Variants in PDE10A observed in about 807,000 individuals in gnomAD.
PDE10A encodes the protein cAMP and cAMP-inhibited cGMP 3',5'-cyclic phosphodiesterase 10A.
PDE10A carries 39 observed loss-of-function variants against 97.7 expected under a neutral mutation model. That is an observed-to-expected ratio of 0.40 (90% confidence interval 0.31 to 0.52). The LOEUF (loss-of-function observed/expected upper bound fraction) is 0.52, where lower values mean the gene tolerates loss of function less well. Among genes scored for constraint, PDE10A ranks in the 20% least tolerant of loss-of-function variants. The pLI is 0.56. For missense variants in PDE10A, 731 were observed against 1,047.8 expected (o/e 0.70, Z 4.17); for synonymous variants, 371 against 376.8 (o/e 0.98, Z 0.18).
intron 1 of PDE10A, among the ~76,000 whole-genome samples, chr6:165,688,448 T>C (rs1463173859): frequency 6.6e-6 from 1 of 152,176 alleles, no homozygotes; most frequent in African/African-American, 2.4e-5. Flanking sequence ...CCTCAGGGTA[T>C]GTAGTGGGCA....
Position 165,943,258 on chromosome 6 carries a change from G to GAAAGAAAGAAA in PDE10A, c.-615+44270_-615+44271insTTTCTTTCTTT, listed in dbSNP as rs1562809875. ...AAGAAGGAAGGAAGGAAGGAAGGAAGGAAGGAAGGAAGGAAGGAAAGAAAG... is the reference window on the plus strand; with the variant it reads ...AAGAAGGAAGGAAGGAAGGAAGGAAGAAAGAAAGAAAGAAGGAAGGAAGGAAGGAAAGAAAG... On this transcript the variant is annotated intron_variant, in intron 1 of 19. Transcript: ENST00000366882. 3.1e-4 allele frequency among the ~76,000 whole-genome samples: 24 copies of GAAAGAAAGAAA among 76,504 alleles called. 1 individual carries two copies. Among genetic ancestry groups the GAAAGAAAGAAA allele is most frequent in the South Asian group, 4.5e-4 (1 of 2,210 alleles). 50.2% of individuals were successfully genotyped at this position (76,504 alleles called of 152,430 possible). A position where few individuals can be genotyped will look rare whatever the true frequency, so the allele number is the denominator to read the frequency against.
chr6:165,626,245 G>A (rs774002569), intron 1 of PDE10A, among the ~76,000 whole-genome samples: 49 of 152,292 alleles, frequency 3.2e-4, no homozygotes, highest in Non-Finnish European at 4.9e-4. Context: ...CACAAAAGTC[G>A]AAAATGAAAG....
In PDE10A at chr6:165,943,215, GAAAGAAAGAAAGAAA is replaced by G. The variant is rs1562809644; in HGVS notation, c.-615+44299_-615+44313del. On this transcript the variant is annotated intron_variant, in intron 1 of 19. Transcript: ENST00000366882. Reference sequence around the variant, plus strand: ...AGAAAGAAAGAAAGAAAGAAAGAAAGAAAGAAAGAAAGAAAGAAAGAAGGAAGGAAGGAAGGAAGG... The same window carrying G: ...AGAAAGAAAGAAAGAAAGAAAGAAAGGAAAGAAGGAAGGAAGGAAGGAAGG... Among the ~76,000 whole-genome samples the G allele has an allele frequency of 9.3e-4, 71 of 76,464 alleles. 1 individual carries two copies. The highest frequency in any genetic ancestry group is 1.4e-3 in the African/African-American group (23 of 16,346). 50.2% of individuals were successfully genotyped at this position (76,464 alleles called of 152,430 possible).
At chr6:165,341,770 G>A (rs75360880) in intron 19 of PDE10A, among the ~76,000 whole-genome samples, 220 of 152,182 alleles carry the variant, frequency 1.4e-3, no homozygotes, top group African/African-American at 4.9e-3. Context: ...ATGGTGTTAC[G>A]GAGGACTTAG....
At chr6:165,739,748 T>C (rs1219259691) in intron 1 of PDE10A, among the ~76,000 whole-genome samples, 1 of 152,086 alleles carries the variant, frequency 6.6e-6, no homozygotes, top group Non-Finnish European at 1.5e-5. Flanking sequence ...ATATCCAAAA[T>C]AGGTAAGGAA....
At chr6:165,839,406 G>A (rs1431096681) in intron 1 of PDE10A, among the ~76,000 whole-genome samples, 1 of 152,072 alleles carries the variant, frequency 6.6e-6, no homozygotes, top group African/African-American at 2.4e-5. Context: ...TTAAGAAATT[G>A]GTAAAAAGAA....
At chr6:165,852,649 A>G (rs1780602666) in intron 1 of PDE10A, among the ~76,000 whole-genome samples, 2 of 152,172 alleles carry the variant, frequency 1.3e-5, no homozygotes, top group African/African-American at 4.8e-5. Context: ...CACTGTGAGC[A>G]AGGTTCCTGT....
intron 1 of PDE10A, among the ~76,000 whole-genome samples, chr6:165,750,122 G>A (rs1792963587): frequency 6.6e-6 from 1 of 152,136 alleles, no homozygotes; most frequent in African/African-American, 2.4e-5. Flanking sequence ...GTGAGGAGAT[G>A]GGCACAGGGC....
At chr6:165,529,348 A>G (rs1469098713) in intron 2 of PDE10A, among the ~76,000 whole-genome samples, 1 of 152,210 alleles carries the variant, frequency 6.6e-6, no homozygotes, top group East Asian at 1.9e-4. Context: ...ATGGGAAACT[A>G]TAAGCCCTGT....
At chr6:165,759,291 AG>A (rs1276540388) in intron 1 of PDE10A, among the ~76,000 whole-genome samples, 1 of 34,574 alleles carries the variant, frequency 2.9e-5, no homozygotes, top group East Asian at 6.7e-4. Context: ...ACATCCTAAC[AG>A]AGAGATGAGC....
At chr6:165,579,256 G>C (rs1449233959) in intron 1 of PDE10A, among the ~76,000 whole-genome samples, 4 of 152,208 alleles carry the variant, frequency 2.6e-5, no homozygotes, top group Admixed American at 6.5e-5. Context: ...ATAAGCAGAT[G>C]TGGATTTTAG....
chr6:165,648,912 G>T (rs1244193439), intron 1 of PDE10A, among the ~76,000 whole-genome samples: 1 of 152,186 alleles, frequency 6.6e-6, no homozygotes, highest in African/African-American at 2.4e-5. Flanking sequence ...CAGAGTGAAA[G>T]GACCGTGCAG....
intron 1 of PDE10A, among the ~76,000 whole-genome samples, chr6:165,725,459 A>G (rs1250647311): frequency 6.6e-6 from 1 of 152,178 alleles, no homozygotes; most frequent in African/African-American, 2.4e-5. Context: ...TAGGGGTATG[A>G]GCAGTGGGGC....
Position 165,655,773 on chromosome 6 carries a change from AGTTTTTTCCTC to A in PDE10A, c.865+6163_865+6173del, listed in dbSNP as rs1170943593. Among the ~76,000 whole-genome samples the A allele has an allele frequency of 2.0e-5, 3 of 152,128 alleles. No individual in the cohort carries two copies. Among genetic ancestry groups the A allele is most frequent in the Non-Finnish European group, 2.9e-5 (2 of 68,030 alleles). The stretch of plus-strand genomic sequence containing the variant: ...TCTGCTTTCATGCGGAGTAAACTGC[AGTTTTTTCCTC>A]TGACTGACAAAGCCTTCATCCGGCC... On this transcript the variant is annotated intron_variant, in intron 1 of 21. Transcript: ENST00000539869. The surrounding 1 kb of genome is among the most constrained non-coding windows in gnomAD (Gnocchi z 4.5).
At chr6:165,921,751 C>T (rs1265059786) in intron 1 of PDE10A, among the ~76,000 whole-genome samples, 1 of 152,162 alleles carries the variant, frequency 6.6e-6, no homozygotes, top group East Asian at 1.9e-4. Flanking sequence ...TCACAGTGAG[C>T]CCATGGGAGA....
At chr6:165,727,539 A>G (rs1792330497) in intron 1 of PDE10A, among the ~76,000 whole-genome samples, 1 of 152,174 alleles carries the variant, frequency 6.6e-6, no homozygotes, top group Non-Finnish European at 1.5e-5. Context: ...CCCAAATGAC[A>G]TAGAGCCCAG....
chr6:165,499,494 T>C (rs1351576278), intron 2 of PDE10A, among the ~76,000 whole-genome samples: 1 of 152,198 alleles, frequency 6.6e-6, no homozygotes, highest in African/African-American at 2.4e-5. Flanking sequence ...GTTAACACCA[T>C]CCTACTTCTT....
chr6:165,821,714 T>C (rs1264181293), intron 1 of PDE10A, among the ~76,000 whole-genome samples: 1 of 152,098 alleles, frequency 6.6e-6, no homozygotes, highest in Non-Finnish European at 1.5e-5. Context: ...GTTTTGTTTT[T>C]GTGTTTTTAG....
chr6:165,746,648 G>A (rs1305109170), intron 1 of PDE10A, among the ~76,000 whole-genome samples: 1 of 152,208 alleles, frequency 6.6e-6, no homozygotes, highest in African/African-American at 2.4e-5. Flanking sequence ...GAGCAGAACA[G>A]GCAAGAAGAG....
Sources: allele counts gnomAD v4.1 joint callset (sites outside exome capture counted in the v4.1 genomes callset), GRCh38; gene constraint gnomAD v4.1.1; non-coding constraint Gnocchi (gnomAD v3.1); transcripts MANE v1.5; gene names NCBI Gene and HGNC (gene_info 2026-07-23, HGNC 2026-07-21).